ERICH1: variants seen among roughly 807,000 people sequenced by gnomAD.
The protein encoded by ERICH1 is glutamate rich 1.
A neutral mutation model predicts 39.6 loss-of-function variants in ERICH1; 56 were observed. The ratio of observed to expected loss-of-function variants is 1.41; its 90% CI spans 1.14 to 1.77. The LOEUF is 1.77. ERICH1 is among the 40% of genes most tolerant of loss of function. The pLI is 0.00. For synonymous variants in ERICH1, 313 were observed against 223.6 expected, an observed-to-expected ratio of 1.40 and a Z score of -3.57; for missense variants, 826 against 575.4, an observed-to-expected ratio of 1.44 and a Z score of -4.45.
intron 3 of ERICH1, chr8:616,501 T>C: frequency 2.2e-6 from 1 of 455,900 alleles, no homozygotes; most frequent in Non-Finnish European, 4.4e-6. Context: ...AGAGCACTGC[T>C]CCCAGGAATT....
At chr8:718,549 T>C (rs536203367) in intron 1 of ERICH1, among the ~76,000 whole-genome samples, 2 of 152,314 alleles carry the variant, frequency 1.3e-5, no homozygotes, top group East Asian at 3.9e-4. Flanking sequence ...AATTCTAAAA[T>C]GGAAGTAGAA....
At chr8:701,947 A>G (rs1812237224) in intron 2 of ERICH1, among the ~76,000 whole-genome samples, 1 of 151,916 alleles carries the variant, frequency 6.6e-6, no homozygotes, top group Non-Finnish European at 1.5e-5. Flanking sequence ...AAAATTAGCC[A>G]GGCATGGTGG....
At chr8:674,349 C>A (rs954076735) in intron 3 of ERICH1, among the ~76,000 whole-genome samples, 1 of 132,254 alleles carries the variant, frequency 7.6e-6, no homozygotes, top group Non-Finnish European at 1.5e-5. Context: ...GCTGCACAGG[C>A]TGGAGTGCAG....
intron 3 of ERICH1, among the ~76,000 whole-genome samples, chr8:642,907 G>T (rs1412802009): frequency 6.6e-6 from 1 of 152,182 alleles, no homozygotes; most frequent in Non-Finnish European, 1.5e-5. Flanking sequence ...AATCCCTCAG[G>T]CTGTGGGGCT....
At chr8:699,974 C>A (rs1444431900) in intron 2 of ERICH1, among the ~76,000 whole-genome samples, 2 of 139,712 alleles carry the variant, frequency 1.4e-5, no homozygotes, top group African/African-American at 5.6e-5. Context: ...CGCGCACAGA[C>A]CCGCACACGC....
intron 3 of ERICH1, among the ~76,000 whole-genome samples, chr8:617,711 G>C (rs1211874168): frequency 2.0e-5 from 3 of 148,632 alleles, no homozygotes; most frequent in Non-Finnish European, 4.5e-5. Context: ...TTGGTGCTTG[G>C]TCCATCCTTA....
intron 3 of ERICH1, among the ~76,000 whole-genome samples, chr8:625,054 G>T (rs34885175): frequency 0.22 from 33,468 of 152,000 alleles, 4,005 homozygotes; most frequent in East Asian, 0.48. Context: ...CAGGCTTCCT[G>T]AGAACTCACT....
chr8:635,573 G>A lies in ERICH1; in HGVS notation c.977-20289C>T, dbSNP rs898426523. Among the ~76,000 whole-genome samples, 5 of 152,326 alleles carry A rather than the reference G, an allele frequency of 3.3e-5. No homozygotes were observed. The East Asian group carries it at 7.7e-4, about 24-fold the overall frequency. On this transcript the variant is annotated intron_variant, in intron 3 of 3. Coordinates refer to the ERICH1 transcript ENST00000522706. Reference sequence around the variant, plus strand: ...CGGCACAGCTGTGGTCGACCTGGACGTAGTGGCCAGCCGGCCCGGCCCCGA... The same window carrying A: ...CGGCACAGCTGTGGTCGACCTGGACATAGTGGCCAGCCGGCCCGGCCCCGA...
intron 5 of ERICH1, chr8:668,371 G>T: frequency 3.6e-6 from 2 of 562,738 alleles, no homozygotes; most frequent in Non-Finnish European, 6.2e-6. Flanking sequence ...TCCCAAGTCC[G>T]GAAACTTAGA....
chr8:690,005 T>C (rs1342432745), intron 3 of ERICH1, among the ~76,000 whole-genome samples: 1 of 152,236 alleles, frequency 6.6e-6, no homozygotes, highest in African/African-American at 2.4e-5. Flanking sequence ...AACTTTCTTC[T>C]GGCACAATCT....
intron 1 of ERICH1, among the ~76,000 whole-genome samples, chr8:728,187 A>G (rs749105400): frequency 6.6e-6 from 1 of 152,228 alleles, no homozygotes; most frequent in Non-Finnish European, 1.5e-5. Context: ...ATCCCTCACA[A>G]TGACCAACCA....
At chr8:723,660 T>A (rs1464023776) in intron 1 of ERICH1, among the ~76,000 whole-genome samples, 1 of 152,248 alleles carries the variant, frequency 6.6e-6, no homozygotes, top group Non-Finnish European at 1.5e-5. Context: ...CCTGTCTCAT[T>A]GTAATAGGCA....
At position 673,567 on chromosome 8, in the gene ERICH1, C is replaced by G; in HGVS notation, c.785G>C (p.Gly262Ala). The part of the protein sequence containing the change: ...DASEEDPTPA[G>A]EEDVKDAREE... The stretch of plus-strand genomic sequence containing the variant: ...CCTGGCGTCTTTAACGTCTTCCTCC[C>G]CGGCCGGTGTCGGATCTTCCTCACT... The change falls in exon 4 of 6, where the codon GGG becomes GCG. Residue 262 changes from glycine (G) to alanine (A), a missense_variant. By Grantham distance (60) the Gly-to-Ala change is moderately conservative. Coordinates refer to ENST00000262109, the MANE Select transcript of ERICH1 (RefSeq NM_207332.3). The G allele has an allele frequency of 6.4e-7, 1 of 1,552,318 alleles. No individual in the cohort carries two copies. The highest frequency in any genetic ancestry group is 8.8e-7 in the Non-Finnish European group (1 of 1,132,034).
intron 1 of ERICH1, among the ~76,000 whole-genome samples, chr8:726,580 G>A (rs1221164356): frequency 6.9e-6 from 1 of 145,572 alleles, no homozygotes; most frequent in Non-Finnish European, 1.5e-5. Context: ...AGACACACAG[G>A]CGCACACACA....
At chr8:682,632 C>T (rs1312808208) in intron 3 of ERICH1, among the ~76,000 whole-genome samples, 3 of 152,232 alleles carry the variant, frequency 2.0e-5, no homozygotes, top group African/African-American at 7.2e-5. Flanking sequence ...CTTTGAAAAG[C>T]TGCCATCCCC....
chr8:703,514 G>T (rs996466832), intron 2 of ERICH1, among the ~76,000 whole-genome samples: 1 of 152,184 alleles, frequency 6.6e-6, no homozygotes, highest in African/African-American at 2.4e-5. Context: ...ACCCGTGGGA[G>T]ACCGGGACTC....
chr8:727,867 T>C (rs895779011), intron 1 of ERICH1, among the ~76,000 whole-genome samples: 1 of 152,148 alleles, frequency 6.6e-6, no homozygotes, highest in Non-Finnish European at 1.5e-5. Context: ...CAGGGTGCAG[T>C]GAGACGAATG....
chr8:637,036 C>T (rs1484615357), intron 3 of ERICH1, among the ~76,000 whole-genome samples: 1 of 152,268 alleles, frequency 6.6e-6, no homozygotes, highest in East Asian at 1.9e-4. Context: ...TCCAAACCAG[C>T]TCACCAAGCC....
At chr8:681,866 A>G (rs933636224) in intron 3 of ERICH1, among the ~76,000 whole-genome samples, 1 of 152,152 alleles carries the variant, frequency 6.6e-6, no homozygotes, top group Non-Finnish European at 1.5e-5. Flanking sequence ...CTCAGCAACA[A>G]AGTCACTTTC....
Sources: gnomAD v4.1 joint callset for allele counts (sites outside exome capture counted in the v4.1 genomes callset) on GRCh38, gnomAD v4.1.1 for gene constraint, MANE v1.5 for transcripts, NCBI Gene and HGNC (gene_info 2026-07-23, HGNC 2026-07-21) for gene names.